The following CES5A variants were observed in gnomAD, a reference collection of about 807,000 sequenced individuals.
CES5A encodes the protein carboxylesterase 5A.
CES5A carries 67 observed loss-of-function variants against 62.9 expected under a neutral mutation model. That is an observed-to-expected ratio of 1.07 (90% CI 0.88 to 1.31). The LOEUF (loss-of-function observed/expected upper bound fraction) is 1.31. Ranked by LOEUF, CES5A falls within the 50% of genes most tolerant of loss-of-function variation. The pLI is 0.00. For missense variants in CES5A, 748 were observed against 708.5 expected, an observed-to-expected ratio of 1.06 and a Z score of -0.63; for synonymous variants, 296 against 280.8, an observed-to-expected ratio of 1.05 and a Z score of -0.54.
In CES5A at chr16:55,915,340, G is replaced by A. The variant is rs534949966; in HGVS notation, c.-256+9983C>T. On this transcript the variant is annotated intron_variant, in intron 1 of 12. Transcript: ENST00000518005. ...TTCATCAGCTGGGAGGCTGCAGAAG[G>A]GCTTTCATCCTGGGCCAGGGAAGCG... 5.3e-5 allele frequency among the ~76,000 whole-genome samples: 8 copies of A among 152,304 alleles called. No individual in the cohort carries two copies. The South Asian group carries it at 1.7e-3, about 32-fold the overall frequency.
chr16:55,882,366 G>A (rs1398531845), intron 1 of CES5A, among the ~76,000 whole-genome samples: 1 of 152,084 alleles, frequency 6.6e-6, no homozygotes, highest in Non-Finnish European at 1.5e-5. Flanking sequence ...TTCTCAAAGG[G>A]GTTTAATTCC....
In CES5A at chr16:55,909,585, C is replaced by T. The variant is rs139459516; in HGVS notation, c.-256+15738G>A. 1.7e-3 allele frequency among the ~76,000 whole-genome samples: 265 copies of T among 152,042 alleles called. 4 individuals carry two copies. The highest frequency in any genetic ancestry group is 0.012 in the Admixed American group (180 of 15,282). ...GTGCGCACGTGCACACACACACACA[C>T]ACACACACACATGTCTGGAGGCAGA... On this transcript the variant is annotated intron_variant, in intron 1 of 12. Coordinates refer to the CES5A transcript ENST00000518005.
intron 2 of CES5A, among the ~76,000 whole-genome samples, chr16:55,938,500 G>A (rs1173159992): frequency 2.0e-5 from 3 of 151,726 alleles, no homozygotes; most frequent in African/African-American, 7.3e-5. Flanking sequence ...TATGTTGGGA[G>A]GCCAAGGTGG....
chr16:55,920,795 G>A (rs1225831170), intron 1 of CES5A, among the ~76,000 whole-genome samples: 5 of 152,170 alleles, frequency 3.3e-5, no homozygotes, highest in South Asian at 2.1e-4. Flanking sequence ...TGACCCTAAC[G>A]AGATGGTGGT....
At chr16:55,927,983 CCTGTAATCCCAGCACT>C (rs2034275393), upstream of CES5A, among the ~76,000 whole-genome samples, 3 of 152,184 alleles carry the variant, frequency 2.0e-5, no homozygotes, top group African/African-American at 7.2e-5. Context: ...GTGGCTCACG[CCTGTAATCCCAGCACT>C]TTGGGAGGCC....
chr16:55,901,864 G>A (rs575766951), intron 1 of CES5A, among the ~76,000 whole-genome samples: 4 of 151,894 alleles, frequency 2.6e-5, no homozygotes, highest in Non-Finnish European at 5.9e-5. Flanking sequence ...TTTTAATTTC[G>A]AGGCTTACAA....
intron 1 of CES5A, among the ~76,000 whole-genome samples, chr16:55,897,607 A>G (rs1001949813): frequency 6.6e-6 from 1 of 152,176 alleles, no homozygotes; most frequent in Non-Finnish European, 1.5e-5. Context: ...GGATGGAAGG[A>G]CTTTGAGACA....
chr16:55,955,873 C>T (rs2034604726), exon 1 of CES5A: 2 of 1,535,974 alleles, frequency 1.3e-6, no homozygotes, highest in Admixed American at 2.0e-5. Flanking sequence ...GCAGGGCAAA[C>T]CAGAACAGCC....
chr16:55,910,558 T>C (rs2034083023), intron 1 of CES5A, among the ~76,000 whole-genome samples: 1 of 152,204 alleles, frequency 6.6e-6, no homozygotes, highest in Non-Finnish European at 1.5e-5. Context: ...GTCTCCTCAA[T>C]CACAACGTAA....
intron 1 of CES5A, among the ~76,000 whole-genome samples, chr16:55,913,687 A>G (rs1475561307): frequency 6.6e-6 from 1 of 152,220 alleles, no homozygotes; most frequent in Non-Finnish European, 1.5e-5. Flanking sequence ...TTCCTCAGTT[A>G]TAAATTTGCA....
chr16:55,889,931 C>T (rs979526977), intron 1 of CES5A, among the ~76,000 whole-genome samples: 1 of 152,156 alleles, frequency 6.6e-6, no homozygotes, highest in Admixed American at 6.5e-5. Flanking sequence ...TTATATATTT[C>T]ACAATATCAC....
intron 1 of CES5A, among the ~76,000 whole-genome samples, chr16:55,909,691 C>T (rs146266535): frequency 6.6e-6 from 1 of 152,318 alleles, no homozygotes; most frequent in East Asian, 1.9e-4. Flanking sequence ...GAATGGCCCA[C>T]AGGTGAACGG....
rs753266512 is a variant in CES5A at position 55,866,090 on chromosome 16, T to C, written c.578A>G (p.Asn193Ser). 1 of 1,613,746 alleles carries C rather than the reference T, an allele frequency of 6.2e-7. No homozygotes were observed. Among genetic ancestry groups the C allele is most frequent in the East Asian group, 2.2e-5 (1 of 44,856 alleles). ...FTTWDQHAPG[N>S]WAFKDQVAAL... ...AGCCACCTGGTCCTTGAAGGCCCAG[T>C]TCCCCGGAGCATGCTGATCCCATGT... The change falls in exon 5 of 13, where the codon AAC (asparagine) becomes AGC (serine). Residue 193 changes from asparagine (N) to serine (S), a missense_variant. Asn to Ser is a conservative substitution (Grantham distance 46, BLOSUM62 1). Coordinates refer to ENST00000290567, the MANE Select transcript of CES5A (RefSeq NM_001143685.2).
chr16:55,952,776 G>T (rs1175018852), intron 1 of CES5A, among the ~76,000 whole-genome samples: 3 of 152,086 alleles, frequency 2.0e-5, no homozygotes, highest in Non-Finnish European at 4.4e-5. Context: ...AGTAATTTAA[G>T]ATCTACCCCC....
chr16:55,872,813 C>A (rs1018530892), intron 2 of CES5A, among the ~76,000 whole-genome samples: 1 of 152,122 alleles, frequency 6.6e-6, no homozygotes, highest in African/African-American at 2.4e-5. Context: ...GTTGCCCTTG[C>A]CATCTTATAT....
upstream of CES5A, among the ~76,000 whole-genome samples, chr16:55,925,670 T>G (rs566212418): frequency 1.9e-3 from 293 of 152,212 alleles, 4 homozygotes; most frequent in Admixed American, 2.0e-3. Context: ...CACAATGAAA[T>G]ATCTTTCAGC....
chr16:55,933,964 C>T (rs767443586), intron 2 of CES5A, among the ~76,000 whole-genome samples: 1 of 152,208 alleles, frequency 6.6e-6, no homozygotes, highest in African/African-American at 2.4e-5. Context: ...CCACACCAGC[C>T]TTCTTGCTGT....
chr16:55,876,907 G>C (rs577311381), upstream of CES5A, among the ~76,000 whole-genome samples: 4 of 152,200 alleles, frequency 2.6e-5, no homozygotes, highest in African/African-American at 9.7e-5. Flanking sequence ...TCATGGACTC[G>C]AGAACAGAGT....
intron 7 of CES5A, among the ~76,000 whole-genome samples, chr16:55,860,564 G>A (rs1188620970): frequency 1.3e-5 from 2 of 152,180 alleles, no homozygotes; most frequent in Non-Finnish European, 2.9e-5. Flanking sequence ...TAGATGAAGT[G>A]GTCAGGACTG....
Sources: allele counts gnomAD v4.1 joint callset (sites outside exome capture counted in the v4.1 genomes callset), GRCh38; gene constraint gnomAD v4.1.1; transcripts MANE v1.5; gene names NCBI Gene and HGNC (gene_info 2026-07-23, HGNC 2026-07-21).